PRIM2: variants seen among roughly 807,000 people sequenced by gnomAD.
PRIM2 encodes the protein DNA primase subunit 2, also known as DNA primase large subunit.
In PRIM2, 39 loss-of-function variants were observed where a neutral mutation model predicts 67.3. The ratio of observed to expected loss-of-function variants is 0.58; its 90% CI spans 0.45 to 0.76. PRIM2 has a LOEUF of 0.76. Ranked by LOEUF, PRIM2 falls within the 30% of genes least tolerant of loss-of-function variation. The pLI, the probability that PRIM2 is intolerant of heterozygous loss-of-function variation, is 0.00. For synonymous variants in PRIM2, 143 were observed against 198.7 expected, an observed-to-expected ratio of 0.72 and a Z score of 2.36; for missense variants, 398 against 598.7, an observed-to-expected ratio of 0.66 and a Z score of 3.50.
chr6:57,564,884 C>T (rs1775706719), intron 10 of PRIM2, among the ~76,000 whole-genome samples: 1 of 152,244 alleles, frequency 6.6e-6, no homozygotes, highest in Admixed American at 6.5e-5. Flanking sequence ...ACTTACTCTG[C>T]TGCTGCAGCA....
chr6:57,265,704 G>C, the PRIM2 span, among the ~76,000 whole-genome samples: 2 of 152,276 alleles, frequency 1.3e-5, no homozygotes, highest in Admixed American at 6.5e-5. Flanking sequence ...TTTTTATAAA[G>C]AATTCTGTGC....
chr6:57,465,760 C>T (rs34647812), intron 7 of PRIM2, among the ~76,000 whole-genome samples: 4 of 151,928 alleles, frequency 2.6e-5, no homozygotes, highest in African/African-American at 4.8e-5. Flanking sequence ...GGACAGAGTC[C>T]GGCATACTTA....
intron 5 of PRIM2, among the ~76,000 whole-genome samples, chr6:57,366,686 C>G (rs1305108773): frequency 6.6e-6 from 1 of 152,088 alleles, no homozygotes; most frequent in Admixed American, 6.6e-5. Context: ...AGTTTTAGTA[C>G]TGGAAGTCCC....
At chr6:57,572,237 G>A (rs1775876500) in intron 10 of PRIM2, among the ~76,000 whole-genome samples, 2 of 152,304 alleles carry the variant, frequency 1.3e-5, no homozygotes, top group South Asian at 4.1e-4. Context: ...GCACATTAAA[G>A]CTCCCTTTTA....
Position 57,493,081 on chromosome 6 carries a change from G to A in PRIM2, c.694-14306G>A, listed in dbSNP as rs1469884773. Among the ~76,000 whole-genome samples the A allele has an allele frequency of 3.9e-4, 60 of 152,246 alleles. 1 individual carries two copies. In the South Asian group the frequency reaches 8.3e-3, roughly 21 times the overall value. On this transcript the variant is annotated intron_variant, in intron 7 of 13. Coordinates refer to ENST00000615550, the MANE Select transcript of PRIM2 (RefSeq NM_000947.5). Reference sequence around the variant, plus strand: ...TATTTTCTTAAGTCCAGATAGTTCCGCCTGGATGCTTAACAGGCAGTTCAG... The same window carrying A: ...TATTTTCTTAAGTCCAGATAGTTCCACCTGGATGCTTAACAGGCAGTTCAG...
chr6:57,565,145 A>T (rs1238471953), intron 10 of PRIM2, among the ~76,000 whole-genome samples: 1 of 152,196 alleles, frequency 6.6e-6, no homozygotes, highest in African/African-American at 2.4e-5. Flanking sequence ...ATAATAGTTT[A>T]TGAAACAAGT....
chr6:57,388,803 T>C (rs1935005525), intron 7 of PRIM2, among the ~76,000 whole-genome samples: 1 of 152,194 alleles, frequency 6.6e-6, no homozygotes, highest in Admixed American at 6.5e-5. Context: ...CTGACCACGT[T>C]AAGTAGAAGG....
At chr6:57,425,428 G>A (rs543966329) in intron 7 of PRIM2, among the ~76,000 whole-genome samples, 1 of 152,212 alleles carries the variant, frequency 6.6e-6, no homozygotes, top group African/African-American at 2.4e-5. Context: ...TGTTGGCCAG[G>A]ATGGTCTCGA....
rs1341885573 is a variant in PRIM2, at chr6:57,606,890, A to G, written c.1230+433A>G. On this transcript the variant is annotated intron_variant, in intron 12 of 13. Coordinates refer to ENST00000615550, the MANE Select transcript of PRIM2 (RefSeq NM_000947.5). ...CTGGCTGAATGTTCTGATAGGCATC[A>G]GTTATTGCTGTGTTTAATCTACACT... Among the ~76,000 whole-genome samples the G allele has an allele frequency of 4.6e-5, 7 of 152,246 alleles. 1 individual carries two copies. The highest frequency in any genetic ancestry group is 4.6e-4 in the Admixed American group (7 of 15,274).
intron 7 of PRIM2, among the ~76,000 whole-genome samples, chr6:57,461,773 A>T (rs1172325841): frequency 6.6e-6 from 1 of 152,230 alleles, no homozygotes; most frequent in South Asian, 2.1e-4. Context: ...GGAAGAGCAT[A>T]TAAATAATAG....
At chr6:57,456,774 T>A (rs1164457369) in intron 7 of PRIM2, among the ~76,000 whole-genome samples, 1 of 152,214 alleles carries the variant, frequency 6.6e-6, no homozygotes, top group South Asian at 2.1e-4. Context: ...ATCTGAAGCC[T>A]TCTTTTCTCA....
At chr6:57,642,347 A>G (rs1397880770) in intron 13 of PRIM2, among the ~76,000 whole-genome samples, 7 of 151,888 alleles carry the variant, frequency 4.6e-5, no homozygotes, top group South Asian at 4.2e-4. Flanking sequence ...CGTTCTGCAC[A>G]TGGACTCCAG....
upstream of PRIM2, among the ~76,000 whole-genome samples, chr6:57,316,584 A>C (rs1325771915): frequency 6.6e-6 from 1 of 152,242 alleles, no homozygotes; most frequent in Non-Finnish European, 1.5e-5. Flanking sequence ...TGTACTTTGC[A>C]TTTCTAAAAA....
At chr6:57,516,262 A>G (rs1324099063) in intron 8 of PRIM2, among the ~76,000 whole-genome samples, 2 of 152,250 alleles carry the variant, frequency 1.3e-5, no homozygotes, top group Non-Finnish European at 2.9e-5. Flanking sequence ...AACCTAACAC[A>G]TTCAGAGGAT....
chr6:57,628,020 G>A (rs1302595709), intron 12 of PRIM2, among the ~76,000 whole-genome samples: 4 of 149,390 alleles, frequency 2.7e-5, no homozygotes, highest in African/African-American at 7.3e-5. Flanking sequence ...CAATATGCAA[G>A]AGGACCTCAT....
chr6:57,487,188 A>G (rs1773774222), intron 7 of PRIM2, among the ~76,000 whole-genome samples: 1 of 152,174 alleles, frequency 6.6e-6, no homozygotes, highest in South Asian at 2.1e-4. Flanking sequence ...CTCGATTTTG[A>G]ATTAGTGTCT....
At chr6:57,357,596 CTTT>C (rs34636141) in intron 5 of PRIM2, among the ~76,000 whole-genome samples, 3 of 136,872 alleles carry the variant, frequency 2.2e-5, no homozygotes, top group Non-Finnish European at 4.8e-5. Flanking sequence ...TCCTCTGTGG[CTTT>C]TTTTTTTTTT....
At chr6:57,396,882 ATTTG>A (rs1770533343) in intron 7 of PRIM2, among the ~76,000 whole-genome samples, 2 of 152,148 alleles carry the variant, frequency 1.3e-5, no homozygotes, top group Non-Finnish European at 2.9e-5. Context: ...TTCTCTCAGC[ATTTG>A]TTTGTCTGAA....
At position 57,391,041 on chromosome 6, in the gene PRIM2, A is replaced by G. The variant is rs565034623; in HGVS notation, c.693+8873A>G. Among the ~76,000 whole-genome samples the G allele has an allele frequency of 3.2e-4, 48 of 151,738 alleles. No individual in the cohort carries two copies. The East Asian group carries it at 8.7e-3, about 28-fold the overall frequency. On this transcript the variant is annotated intron_variant, in intron 7 of 13. Coordinates refer to ENST00000615550, the MANE Select transcript of PRIM2 (RefSeq NM_000947.5). ...GTTCCCTCCTCTTCGCAACTTCATC[A>G]GCATCTGTTATTTTTTGACTTCTTA...
Sources: allele counts gnomAD v4.1 joint callset (sites outside exome capture counted in the v4.1 genomes callset), GRCh38; gene constraint gnomAD v4.1.1; transcripts MANE v1.5; gene names NCBI Gene and HGNC (gene_info 2026-07-23, HGNC 2026-07-21).